The following PPP1R3A variants were observed in gnomAD, a reference collection of about 807,000 sequenced individuals.
The protein encoded by PPP1R3A is RG1.
A neutral mutation model predicts 41.7 loss-of-function variants in PPP1R3A; 29 were observed. That is an observed-to-expected ratio of 0.70 (90% CI 0.52 to 0.95). PPP1R3A has a LOEUF of 0.95. Ranked by LOEUF, PPP1R3A falls within the 40% of genes least tolerant of loss-of-function variation. The pLI, the probability that PPP1R3A is intolerant of heterozygous loss-of-function variation, is 0.00. For synonymous variants in PPP1R3A, 485 were observed against 453.4 expected (o/e 1.07, Z -0.89); for missense variants, 1,352 against 1,292.4 (o/e 1.05, Z -0.71).
intron 1 of PPP1R3A, among the ~76,000 whole-genome samples, chr7:113,901,495 A>T (rs1797061401): frequency 6.6e-6 from 1 of 151,830 alleles, no homozygotes; most frequent in Admixed American, 6.6e-5. Flanking sequence ...AAAACCTGGA[A>T]GTTTATATTC....
At chr7:113,886,860 C>A (rs1796792714) in intron 1 of PPP1R3A, among the ~76,000 whole-genome samples, 1 of 152,110 alleles carries the variant, frequency 6.6e-6, no homozygotes. Flanking sequence ...AGAACTATGA[C>A]AATTGTGACA....
chr7:113,880,806 C>G (rs1796679338), intron 3 of PPP1R3A, among the ~76,000 whole-genome samples: 1 of 151,704 alleles, frequency 6.6e-6, no homozygotes, highest in Non-Finnish European at 1.5e-5. Flanking sequence ...ACATAAGGCT[C>G]ATGTTACTTG....
At chr7:113,884,150 T>C (rs1439011238) in intron 1 of PPP1R3A, among the ~76,000 whole-genome samples, 1 of 151,908 alleles carries the variant, frequency 6.6e-6, no homozygotes, top group Non-Finnish European at 1.5e-5. Context: ...CCTAAAAAGG[T>C]TGATAAACAT....
At chr7:113,883,617 G>A (rs1424710340) in intron 1 of PPP1R3A, among the ~76,000 whole-genome samples, 1 of 151,792 alleles carries the variant, frequency 6.6e-6, no homozygotes, top group East Asian at 1.9e-4. Context: ...TGCTTAATGA[G>A]GTCAAAAATT....
At chr7:113,896,220 AC>A (rs1324602204) in intron 1 of PPP1R3A, among the ~76,000 whole-genome samples, 1 of 151,692 alleles carries the variant, frequency 6.6e-6, no homozygotes, top group Non-Finnish European at 1.5e-5. Context: ...TTCTTTGTCA[AC>A]CCCTCACCCA....
chr7:113,910,546 G>T (rs909030201), intron 1 of PPP1R3A, among the ~76,000 whole-genome samples: 4 of 151,792 alleles, frequency 2.6e-5, no homozygotes, highest in Non-Finnish European at 4.4e-5. Flanking sequence ...TTTTCTATTG[G>T]TAAGTACTTA....
intron 1 of PPP1R3A, among the ~76,000 whole-genome samples, chr7:113,896,925 A>G (rs1466849850): frequency 1.3e-5 from 2 of 151,936 alleles, no homozygotes; most frequent in Non-Finnish European, 2.9e-5. Flanking sequence ...TCTATGAAGA[A>G]GGGAATCAAA....
intron 1 of PPP1R3A, among the ~76,000 whole-genome samples, chr7:113,904,322 A>G (rs1017763062): frequency 5.3e-5 from 8 of 151,722 alleles, no homozygotes; most frequent in Non-Finnish European, 8.9e-5. Flanking sequence ...TTCCTTTGAC[A>G]AATTTCTTCT....
chr7:113,881,625 T>C (rs776121155), intron 3 of PPP1R3A, among the ~76,000 whole-genome samples: 5 of 152,034 alleles, frequency 3.3e-5, no homozygotes, highest in Non-Finnish European at 5.9e-5. Context: ...TTTTAAAAAA[T>C]GCTGTTACAT....
chr7:113,908,230 T>C (rs952864858), intron 1 of PPP1R3A, among the ~76,000 whole-genome samples: 2 of 151,906 alleles, frequency 1.3e-5, no homozygotes, highest in Non-Finnish European at 2.9e-5. Flanking sequence ...ATAGAAAATA[T>C]AAAATACTAG....
intron 1 of PPP1R3A, among the ~76,000 whole-genome samples, chr7:113,890,815 C>A (rs961679847): frequency 1.3e-5 from 2 of 151,960 alleles, no homozygotes; most frequent in African/African-American, 4.8e-5. Flanking sequence ...AATGTGAGTT[C>A]TACAGACTCT....
chr7:113,903,944 A>G (rs1292960941), intron 1 of PPP1R3A, among the ~76,000 whole-genome samples: 2 of 151,684 alleles, frequency 1.3e-5, no homozygotes, highest in Non-Finnish European at 3.0e-5. Context: ...CACAAATTTT[A>G]CCATTTGCAG....
chr7:113,881,955 AG>A, intron 3 of PPP1R3A, 83 bp downstream of exon 3: 7 of 1,497,370 alleles, frequency 4.7e-6, no homozygotes, highest in Non-Finnish European at 6.5e-6. Flanking sequence ...TATTAGTTGA[AG>A]CTATTGAAAG....
intron 1 of PPP1R3A, among the ~76,000 whole-genome samples, chr7:113,907,112 CAT>C (rs1169442046): frequency 2.0e-5 from 3 of 151,690 alleles, no homozygotes; most frequent in Non-Finnish European, 4.4e-5. Context: ...GCTCTAAAAA[CAT>C]CCTTTTGGCT....
intron 1 of PPP1R3A, among the ~76,000 whole-genome samples, chr7:113,893,925 C>T (rs4385395): frequency 0.017 from 2,572 of 152,062 alleles, 28 homozygotes; most frequent in Non-Finnish European, 0.029. Context: ...AATCTCTCTT[C>T]AAAAGTTTCT....
chr7:113,877,664 CAATCCA>C lies in PPP1R3A; in HGVS notation c.*53_*58del. On this transcript the variant is annotated 3_prime_UTR_variant, in exon 4 of 4. Transcript: ENST00000284601. ...TTGAACAATGAATAGTCCCATTCACCAATCCAAATGTTTGGGGTTAAATAGCTTATC... is the reference window on the plus strand; with the variant it reads ...TTGAACAATGAATAGTCCCATTCACCAATGTTTGGGGTTAAATAGCTTATC... 6.7e-7 allele frequency: 1 copy of C among 1,486,648 alleles called. No individual in the cohort carries two copies. Among genetic ancestry groups the C allele is most frequent in the Non-Finnish European group, 9.0e-7 (1 of 1,110,238 alleles). 92.1% of individuals were successfully genotyped at this position (1,486,648 alleles called of 1,614,324 possible).
At chr7:113,914,628 AGATAC>A (rs1026998133) in intron 1 of PPP1R3A, among the ~76,000 whole-genome samples, 1 of 152,172 alleles carries the variant, frequency 6.6e-6, no homozygotes, top group African/African-American at 2.4e-5. Flanking sequence ...GCAGTTTTTC[AGATAC>A]ACCTAAAGCT....
In PPP1R3A at chr7:113,891,084, C is replaced by CAAAAAAAAAA. The variant is rs11342726; in HGVS notation, c.783-8774_783-8765dup. Among the ~76,000 whole-genome samples the CAAAAAAAAAA allele has an allele frequency of 3.3e-4, 26 of 79,788 alleles. 2 individuals carry two copies. Among genetic ancestry groups the CAAAAAAAAAA allele is most frequent in the African/African-American group, 1.2e-3 (24 of 19,308 alleles). The allele number at this position is 79,788 out of a possible 152,430, so 52.3% of individuals were successfully genotyped here. A position where few individuals can be genotyped will look rare whatever the true frequency, so the allele number is the denominator to read the frequency against. ...GGGTCAATATGTGGTGGAAAAAAAGCAAAAAAAAAAAAAAAAAAAAAAAAA... is the reference window on the plus strand; with the variant it reads ...GGGTCAATATGTGGTGGAAAAAAAGCAAAAAAAAAAAAAAAAAAAAAAAAAAAAAAAAAAA... On this transcript the variant is annotated intron_variant, in intron 1 of 3. Transcript: ENST00000284601.
At chr7:113,896,807 A>G (rs1796983471) in intron 1 of PPP1R3A, among the ~76,000 whole-genome samples, 1 of 152,020 alleles carries the variant, frequency 6.6e-6, no homozygotes, top group South Asian at 2.1e-4. Flanking sequence ...TATTATTATT[A>G]TATTGGCATT....
Sources: gnomAD v4.1 joint callset for allele counts (sites outside exome capture counted in the v4.1 genomes callset) on GRCh38, gnomAD v4.1.1 for gene constraint, MANE v1.5 for transcripts, NCBI Gene and HGNC (gene_info 2026-07-23, HGNC 2026-07-21) for gene names.